ADSS2: variants seen among roughly 807,000 people sequenced by gnomAD.
ADSS2 encodes the protein adenylosuccinate synthetase isozyme 2.
In ADSS2, 30 loss-of-function variants were observed where a neutral mutation model predicts 60.0. The observed-to-expected ratio is 0.50, with a 90% CI of 0.37 to 0.68. ADSS2 has a LOEUF of 0.68. Among genes scored for constraint, ADSS2 ranks in the 30% least tolerant of loss-of-function variants. The pLI, the probability that ADSS2 is intolerant of heterozygous loss-of-function variation, is 0.00. For missense variants in ADSS2, 373 were observed against 554.8 expected (o/e 0.67, Z 3.29); for synonymous variants, 187 against 193.1 (o/e 0.97, Z 0.26).
intron 4 of ADSS2, among the ~76,000 whole-genome samples, chr1:244,428,170 ATTCT>A (rs1036914812): frequency 1.3e-5 from 2 of 152,184 alleles, no homozygotes; most frequent in African/African-American, 4.8e-5. Context: ...CAGAGCACAT[ATTCT>A]TTCTAAGTGC....
In ADSS2 at chr1:244,409,628, A is replaced by G; in HGVS notation, c.1329T>C (p.Ile443=). 1.2e-6 allele frequency: 2 copies of G among 1,606,512 alleles called. No individual in the cohort carries two copies. Among genetic ancestry groups the G allele is most frequent in the Non-Finnish European group, 1.7e-6 (2 of 1,173,850 alleles). The change falls in exon 13 of 13, where the codon ATT becomes ATC. Residue 443 remains isoleucine (I), a synonymous_variant. Transcript: ENST00000366535. ...EDELQIPVKW[I]GVGKSRESMI... Reference sequence around the variant, plus strand: ...TAGATTCTCTGGATTTACCAACACCAATCCACTTAACTAGGAGAATACAAA... The same window carrying G: ...TAGATTCTCTGGATTTACCAACACCGATCCACTTAACTAGGAGAATACAAA...
At chr1:244,435,189 A>C (rs903414133) in intron 3 of ADSS2, among the ~76,000 whole-genome samples, 18 of 146,618 alleles carry the variant, frequency 1.2e-4, no homozygotes, top group Admixed American at 4.1e-4. Flanking sequence ...AAAAAAAAAA[A>C]AAAAAAAACA....
At chr1:244,437,638 C>A in intron 2 of ADSS2, 28 bp downstream of exon 2, 1 of 1,447,266 alleles carries the variant, frequency 6.9e-7, no homozygotes. Context: ...GGGGGGGAAT[C>A]TCCATGCAGT....
In ADSS2 at chr1:244,435,194, A is replaced by AAAC. The variant is rs1665063954; in HGVS notation, c.355+1630_355+1631insGTT. Among the ~76,000 whole-genome samples the AAAC allele has an allele frequency of 3.1e-5, 4 of 127,852 alleles. 1 individual carries two copies. The highest frequency in any genetic ancestry group is 1.3e-4 in the African/African-American group (4 of 31,084). The allele number at this position is 127,852 out of a possible 152,430, so 83.9% of individuals were successfully genotyped here. A position where few individuals can be genotyped will look rare whatever the true frequency, so the allele number is the denominator to read the frequency against. ...AAAAAAAAAAAAAAAAAAAAAAAAA[A>AAAC]AAACAAACCTGAACATACTATAACA... On this transcript the variant is annotated intron_variant, in intron 3 of 12. Coordinates refer to ENST00000366535, the MANE Select transcript of ADSS2 (RefSeq NM_001126.5).
intron 11 of ADSS2, among the ~76,000 whole-genome samples, chr1:244,414,572 T>C (rs1664488306): frequency 1.3e-5 from 2 of 152,198 alleles, no homozygotes; most frequent in African/African-American, 4.8e-5. Flanking sequence ...GCTTCTACTT[T>C]CCTGCTGTGA....
intron 4 of ADSS2, among the ~76,000 whole-genome samples, chr1:244,428,567 T>C (rs1281781635): frequency 6.6e-6 from 1 of 151,662 alleles, no homozygotes; most frequent in African/African-American, 2.4e-5. Context: ...TGAGAGTTCA[T>C]GATCCAAGCT....
chr1:244,419,935 C>A (rs765347964), intron 8 of ADSS2, among the ~76,000 whole-genome samples: 1 of 152,154 alleles, frequency 6.6e-6, no homozygotes, highest in African/African-American at 2.4e-5. Flanking sequence ...CTCAGACCTA[C>A]TGAACTCAAA....
chr1:244,416,031 T>A lies in ADSS2; in HGVS notation c.1118A>T (p.Lys373Ile). ...LDILDMFTEIKVGVAYKLDGE... is the reference protein window; with the variant it reads ...LDILDMFTEIIVGVAYKLDGE... ...ATCTAACTTGTAAGCAACTCCAACT[T>A]TGATTTCCGTAAACATGTCCAAAAT... Residue 373 changes from lysine to isoleucine, a missense_variant, in exon 11 of 13, where the codon AAA (lysine) becomes ATA (isoleucine). Physicochemically the swap from Lys to Ile is moderately radical, Grantham distance 102. Around this residue, in one of 5 missense-constraint regions of ADSS2, gnomAD observed 130 missense variants for 169.4 expected, o/e 0.77. Coordinates refer to ENST00000366535, the MANE Select transcript of ADSS2 (RefSeq NM_001126.5). 1.2e-6 allele frequency: 2 copies of A among 1,613,922 alleles called. No individual in the cohort carries two copies. Among genetic ancestry groups the A allele is most frequent in the South Asian group, 1.1e-5 (1 of 91,058 alleles).
chr1:244,434,686 A>G (rs754486322), intron 3 of ADSS2, among the ~76,000 whole-genome samples: 8 of 152,196 alleles, frequency 5.3e-5, no homozygotes, highest in Non-Finnish European at 7.3e-5. Context: ...GATAAAGAGC[A>G]GGGTTGGATA....
chr1:244,432,667 T>C (rs1351467614), intron 3 of ADSS2, 72 bp from the exon 4 acceptor site: 6 of 1,008,060 alleles, frequency 6.0e-6, no homozygotes, highest in Non-Finnish European at 8.6e-6. Context: ...TTTCTTTTTT[T>C]TTTTTTTTTT....
chr1:244,451,556 G>A lies in ADSS2; in HGVS notation c.183+79C>T, dbSNP rs1405133768. Reference sequence around the variant, plus strand: ...TTTGGCCAGTGGATCCGGGTTCTGGGTCCGAGTTCCCGGGCACCAGGAGCC... The same window carrying A: ...TTTGGCCAGTGGATCCGGGTTCTGGATCCGAGTTCCCGGGCACCAGGAGCC... On this transcript the variant is annotated intron_variant, in intron 1 of 12. Transcript: ENST00000366535. The surrounding 1 kb of genome is among the most constrained non-coding windows in gnomAD (Gnocchi z 6.6). 6.9e-7 allele frequency: 1 copy of A among 1,459,710 alleles called. No homozygotes were observed. Among genetic ancestry groups the A allele is most frequent in the Non-Finnish European group, 9.1e-7 (1 of 1,093,004 alleles). The allele number at this position is 1,459,710 out of a possible 1,614,324, so 90.4% of individuals were successfully genotyped here.
chr1:244,428,104 C>T lies in ADSS2; in HGVS notation c.407-3717G>A, dbSNP rs931025892. On this transcript the variant is annotated intron_variant, in intron 4 of 12. Coordinates refer to ENST00000366535, the MANE Select transcript of ADSS2 (RefSeq NM_001126.5). ...CAGTTGGGATATAGGATTTGAACAA[C>T]ACTATCAAACAATTTGATTTAATTG... 3.3e-5 allele frequency among the ~76,000 whole-genome samples: 5 copies of T among 152,238 alleles called. No homozygotes were observed. The East Asian group carries it at 9.6e-4, about 29-fold the overall frequency.
chr1:244,422,839 A>C lies in ADSS2; in HGVS notation c.659T>G (p.Leu220Arg), dbSNP rs1406528802. Residue 220 changes from leucine (L) to arginine (R), a missense_variant, in exon 7 of 13, where the codon CTC (leucine) becomes CGC (arginine). Physicochemically the swap from Leu to Arg is moderately radical, Grantham distance 102. This residue lies in a region of ADSS2 where 139 missense variants were observed against 189.4 expected (regional missense o/e 0.73). Transcript: ENST00000366535. ...EIDIEGELQKLKGYMEKIKPM... is the reference protein window; with the variant it reads ...EIDIEGELQKRKGYMEKIKPM... ...AAAGATGCCAGAAAGCATTACCTTG[A>C]GTTTTTGTAATTCACCTTCAATGTC... is the stretch of plus-strand genomic sequence containing the variant. 6.3e-7 allele frequency: 1 copy of C among 1,586,148 alleles called. No homozygotes were observed. The highest frequency in any genetic ancestry group is 1.7e-5 in the Admixed American group (1 of 59,834).
At chr1:244,434,798 A>C (rs1177473100) in intron 3 of ADSS2, among the ~76,000 whole-genome samples, 1 of 152,172 alleles carries the variant, frequency 6.6e-6, no homozygotes, top group Non-Finnish European at 1.5e-5. Flanking sequence ...GTAAAAACGC[A>C]GAAAGGAGAA....
chr1:244,434,591 G>A (rs765750448), intron 3 of ADSS2, among the ~76,000 whole-genome samples: 5 of 152,082 alleles, frequency 3.3e-5, no homozygotes, highest in African/African-American at 4.8e-5. Context: ...CCCCTTCTAC[G>A]GTTGTTTTGA....
At chr1:244,432,185 AAG>A (rs1664960689) in intron 4 of ADSS2, among the ~76,000 whole-genome samples, 2 of 152,230 alleles carry the variant, frequency 1.3e-5, no homozygotes, top group South Asian at 4.1e-4. Flanking sequence ...TTTAGGCACA[AAG>A]AGTCACTCTA....
At chr1:244,422,321 T>C (rs952854635) in intron 7 of ADSS2, among the ~76,000 whole-genome samples, 5 of 152,218 alleles carry the variant, frequency 3.3e-5, no homozygotes, top group Non-Finnish European at 5.9e-5. Context: ...TACTGGCCAA[T>C]GTAAGCACCA....
intron 3 of ADSS2, among the ~76,000 whole-genome samples, chr1:244,434,150 C>A (rs549392899): frequency 4.6e-4 from 67 of 147,222 alleles, no homozygotes; most frequent in African/African-American, 1.6e-3. Context: ...TGAGACCAGC[C>A]TGGGTGACAC....
chr1:244,426,242 T>C (rs911129676), intron 4 of ADSS2, among the ~76,000 whole-genome samples: 3 of 152,128 alleles, frequency 2.0e-5, no homozygotes, highest in Non-Finnish European at 2.9e-5. Context: ...AAAAAGACAT[T>C]TGAATGTAAA....
Sources: gnomAD v4.1 joint callset for allele counts (sites outside exome capture counted in the v4.1 genomes callset) on GRCh38, gnomAD v4.1.1 for gene constraint, gnomAD v4.1.1 regional missense constraint, Gnocchi (gnomAD v3.1) non-coding constraint, MANE v1.5 for transcripts, NCBI Gene and HGNC (gene_info 2026-07-23, HGNC 2026-07-21) for gene names.